Variants in RFPL1 observed in about 807,000 individuals in gnomAD.
The protein encoded by RFPL1 is ret finger protein-like 1.
Under a neutral mutation model 9.6 loss-of-function variants are expected in RFPL1, and 6 were observed. That is an observed-to-expected ratio of 0.62 (90% CI 0.34 to 1.23). The LOEUF is 1.23. Ranked by LOEUF, RFPL1 falls within the 50% of genes most tolerant of loss-of-function variation. The pLI is 0.03. For missense variants in RFPL1, 352 were observed against 398.4 expected, an observed-to-expected ratio of 0.88 and a Z score of 0.99; for synonymous variants, 145 against 149.4, an observed-to-expected ratio of 0.97 and a Z score of 0.22.
intron 1 of RFPL1, chr22:29,439,399 C>T (rs574703063): frequency 2.7e-4 from 158 of 595,288 alleles, no homozygotes; most frequent in African/African-American, 1.1e-3. Context: ...TTTGGGAGGC[C>T]GAGGCGGGTG....
chr22:29,397,732 G>A, the RFPL1 span, among the ~76,000 whole-genome samples: 2 of 152,204 alleles, frequency 1.3e-5, no homozygotes, highest in Non-Finnish European at 2.9e-5. Context: ...CAGGAGTGGG[G>A]TTTGGGTCTC....
the RFPL1 span, chr22:29,419,052 A>G: frequency 7.2e-6 from 5 of 692,894 alleles, no homozygotes; most frequent in African/African-American, 5.4e-5. Context: ...GAGGGGAGAC[A>G]TGGGTCCCTA....
chr22:29,441,475 G>T, intron 1 of RFPL1, 67 bp from the exon 2 acceptor site: 2 of 1,515,414 alleles, frequency 1.3e-6, no homozygotes, highest in South Asian at 1.3e-5. Flanking sequence ...TTGGGCCTTT[G>T]AAGTAGAGGA....
At chr22:29,428,186 G>T in the RFPL1 span, among the ~76,000 whole-genome samples, 11 of 152,218 alleles carry the variant, frequency 7.2e-5, no homozygotes, top group Non-Finnish European at 1.2e-4. Context: ...AAAAACGAAA[G>T]GTTCACCAAA....
chr22:29,441,100 C>G (rs1425245702), intron 1 of RFPL1: 2 of 165,900 alleles, frequency 1.2e-5, no homozygotes, highest in African/African-American at 4.8e-5. Flanking sequence ...AATTTGCTTA[C>G]AAACATGGAA....
the RFPL1 span, among the ~76,000 whole-genome samples, chr22:29,410,652 CTA>C: frequency 7.6e-6 from 1 of 131,810 alleles, no homozygotes; most frequent in African/African-American, 2.8e-5. Flanking sequence ...ATATATCTAT[CTA>C]TATATATATT....
chr22:29,440,571 C>CT lies in RFPL1; in HGVS notation c.374-960dup, dbSNP rs916601681. The CT allele has an allele frequency of 6.8e-4, 101 of 148,166 alleles. 1 individual carries two copies. Among genetic ancestry groups the CT allele is most frequent in the East Asian group, 1.6e-3 (8 of 5,070 alleles). The allele number at this position is 148,166 out of a possible 1,614,324, so 9.2% of individuals were successfully genotyped here. ...TCAGTCAGTTATGACGAACAACTTTCTTTTTTTTTTTATTTTTTGAGATGG... is the reference window on the plus strand; with the variant it reads ...TCAGTCAGTTATGACGAACAACTTTCTTTTTTTTTTTTATTTTTTGAGATGG... On this transcript the variant is annotated intron_variant, in intron 1 of 1. Coordinates refer to ENST00000354373, the Ensembl canonical transcript of RFPL1.
At chr22:29,402,555 G>C in the RFPL1 span, among the ~76,000 whole-genome samples, 17 of 152,242 alleles carry the variant, frequency 1.1e-4, no homozygotes, top group East Asian at 3.3e-3. Context: ...CAGTCATCAC[G>C]CTTTATCGAG....
chr22:29,388,859 G>C, the RFPL1 span, among the ~76,000 whole-genome samples: 1 of 152,076 alleles, frequency 6.6e-6, no homozygotes, highest in African/African-American at 2.4e-5. Flanking sequence ...GCAGGGTTTT[G>C]CTCAAGGTCA....
intron 1 of RFPL1, chr22:29,440,459 C>G (rs537562905): frequency 1.1e-4 from 16 of 152,360 alleles, no homozygotes; most frequent in African/African-American, 3.6e-4. Flanking sequence ...CTGCCTCCTC[C>G]ATGAGAATTG....
intron 1 of RFPL1, 175 bp downstream of exon 1, chr22:29,439,339 C>CA (rs937648200): frequency 1.5e-4 from 155 of 1,034,080 alleles, no homozygotes; most frequent in Middle Eastern, 2.5e-4. Flanking sequence ...TGGTGATCTC[C>CA]AAAAAAAAGG....
the RFPL1 span, among the ~76,000 whole-genome samples, chr22:29,410,024 C>A: frequency 3.6e-4 from 55 of 151,918 alleles, no homozygotes; most frequent in African/African-American, 1.3e-3. Flanking sequence ...ATTGCCTTTT[C>A]CACAAGCATC....
In RFPL1 at chr22:29,438,968, C is replaced by T. The variant is rs188649365; in HGVS notation, c.177C>T (p.Val59=). The T allele has an allele frequency of 8.6e-5, 138 of 1,613,946 alleles. No individual in the cohort carries two copies. In the Middle Eastern group the frequency reaches 2.0e-3, roughly 23 times the overall value. ...TGTCCCTGGAGTGTGGATGCGCTGTCTGCTTCAAGTGCATCAATTCACTGC... is the reference window on the plus strand; with the variant it reads ...TGTCCCTGGAGTGTGGATGCGCTGTTTGCTTCAAGTGCATCAATTCACTGC... Residue 59 remains valine, a synonymous_variant, in exon 1 of 2, where the codon GTC becomes GTT. Transcript: ENST00000354373.
chr22:29,389,408 C>G, the RFPL1 span, among the ~76,000 whole-genome samples: 1 of 145,350 alleles, frequency 6.9e-6, no homozygotes, highest in Non-Finnish European at 1.5e-5. Flanking sequence ...AAAAAATGGC[C>G]GGGCATGGTG....
At chr22:29,440,349 T>C (rs1014150721) in intron 1 of RFPL1, 14 of 152,210 alleles carry the variant, frequency 9.2e-5, no homozygotes, top group African/African-American at 2.9e-4. Context: ...ATAAAATCTA[T>C]ATTGGTGATC....
At chr22:29,404,315 T>C in the RFPL1 span, among the ~76,000 whole-genome samples, 1 of 152,302 alleles carries the variant, frequency 6.6e-6, no homozygotes, top group East Asian at 1.9e-4. Flanking sequence ...AATGTTATTT[T>C]GCTATGGGTT....
chr22:29,421,544 T>G, the RFPL1 span, among the ~76,000 whole-genome samples: 1 of 149,490 alleles, frequency 6.7e-6, no homozygotes, highest in Non-Finnish European at 1.5e-5. Flanking sequence ...CTCCAATTGC[T>G]TTCTCTCTTT....
chr22:29,399,784 A>G, the RFPL1 span, among the ~76,000 whole-genome samples: 6 of 152,144 alleles, frequency 3.9e-5, no homozygotes, highest in Middle Eastern at 6.8e-3. Context: ...TTGCAACTAC[A>G]TATACTTTTA....
chr22:29,415,694 A>G, the RFPL1 span, among the ~76,000 whole-genome samples: 3 of 152,278 alleles, frequency 2.0e-5, no homozygotes. Flanking sequence ...TTGCGTCTCA[A>G]GAACAGAACT....
Sources: allele counts gnomAD v4.1 joint callset (sites outside exome capture counted in the v4.1 genomes callset), GRCh38; gene constraint gnomAD v4.1.1; transcripts MANE v1.5; gene names NCBI Gene and HGNC (gene_info 2026-07-23, HGNC 2026-07-21).